ZMYM2: variants seen among roughly 807,000 people sequenced by gnomAD.
ZMYM2 encodes the protein zinc finger MYM-type protein 2.
In ZMYM2, 56 loss-of-function variants were observed where a neutral mutation model predicts 162.8. That is an observed-to-expected ratio of 0.34 (90% CI 0.28 to 0.43). The LOEUF (loss-of-function observed/expected upper bound fraction) is 0.43, where lower values mean the gene tolerates loss of function less well. Ranked by LOEUF, ZMYM2 falls within the 20% of genes least tolerant of loss-of-function variation. The pLI is 1.00. For missense variants in ZMYM2, 1,275 were observed against 1,621.8 expected (o/e 0.79, Z 3.67); for synonymous variants, 510 against 541.6 (o/e 0.94, Z 0.81).
chr13:19,967,862 C>T (rs752229066), intron 2 of ZMYM2, among the ~76,000 whole-genome samples: 9 of 152,148 alleles, frequency 5.9e-5, no homozygotes, highest in Non-Finnish European at 1.3e-4. Context: ...TTGCTGCCAC[C>T]ACCTGGTATG....
chr13:20,069,586 C>T (rs912914534), intron 21 of ZMYM2, among the ~76,000 whole-genome samples: 2 of 149,494 alleles, frequency 1.3e-5, no homozygotes, highest in East Asian at 2.1e-4. Flanking sequence ...TATTAAGATA[C>T]GGATTTTTCT....
At position 20,088,383 on chromosome 13, in the gene ZMYM2, T is replaced by C. The variant is rs1200437020; in HGVS notation, c.*2369T>C. 2.5e-5 allele frequency: 5 copies of C among 202,950 alleles called. No individual in the cohort carries two copies. Among genetic ancestry groups the C allele is most frequent in the Non-Finnish European group, 5.1e-5 (5 of 98,758 alleles). The allele number at this position is 202,950 out of a possible 1,614,324, so 12.6% of individuals were successfully genotyped here. ...CCTTTTGCTTCTAGGTGATCTCTGATTATAGATAGCATCCTGTAAATATAA... is the reference window on the plus strand; with the variant it reads ...CCTTTTGCTTCTAGGTGATCTCTGACTATAGATAGCATCCTGTAAATATAA... On this transcript the variant is annotated 3_prime_UTR_variant, in exon 25 of 25. Transcript: ENST00000610343.
At chr13:19,884,658 G>A in the ZMYM2 span, among the ~76,000 whole-genome samples, 22 of 152,240 alleles carry the variant, frequency 1.4e-4, no homozygotes, top group African/African-American at 4.8e-4. Flanking sequence ...CTTCCGGTGT[G>A]CCATAGTTCT....
chr13:20,077,967 G>A (rs1312226731), intron 21 of ZMYM2, among the ~76,000 whole-genome samples: 1 of 151,218 alleles, frequency 6.6e-6, no homozygotes, highest in African/African-American at 2.4e-5. Flanking sequence ...ACAGGCGCCC[G>A]CCACCACGCC....
At chr13:19,964,235 G>T (rs997931040) in intron 2 of ZMYM2, among the ~76,000 whole-genome samples, 5 of 152,104 alleles carry the variant, frequency 3.3e-5, no homozygotes, top group African/African-American at 1.2e-4. Context: ...GATTAGTCAG[G>T]CATGGTGGTA....
At chr13:20,085,513 TAA>T (rs1462404160) in intron 24 of ZMYM2, among the ~76,000 whole-genome samples, 1 of 152,228 alleles carries the variant, frequency 6.6e-6, no homozygotes, top group Non-Finnish European at 1.5e-5. Context: ...ATGCACAGTT[TAA>T]ATTGTTGCAT....
At chr13:19,945,670 C>T in the ZMYM2 span, among the ~76,000 whole-genome samples, 1 of 152,086 alleles carries the variant, frequency 6.6e-6, no homozygotes, top group African/African-American at 2.4e-5. Flanking sequence ...TGAAGCTTCT[C>T]ATCTTTTGTT....
the ZMYM2 span, among the ~76,000 whole-genome samples, chr13:19,866,497 C>G: frequency 5.9e-5 from 9 of 151,900 alleles, no homozygotes; most frequent in African/African-American, 2.2e-4. Flanking sequence ...GAAACCCCGT[C>G]CCTACTAAAA....
At chr13:20,079,966 A>C (rs1691517313) in intron 21 of ZMYM2, among the ~76,000 whole-genome samples, 1 of 152,208 alleles carries the variant, frequency 6.6e-6, no homozygotes, top group South Asian at 2.1e-4. Context: ...ATTTTACTTT[A>C]GTGATTGTTT....
chr13:19,999,363 A>G (rs771911588), intron 3 of ZMYM2, among the ~76,000 whole-genome samples: 3 of 152,156 alleles, frequency 2.0e-5, no homozygotes, highest in African/African-American at 7.2e-5. Context: ...AATTCTCACA[A>G]TATTTCAGGC....
rs140921243 is a variant in ZMYM2 at position 20,021,568 on chromosome 13, A to G, written c.1584+1950A>G. 3.9e-5 allele frequency among the ~76,000 whole-genome samples: 6 copies of G among 152,248 alleles called. No homozygotes were observed. In the East Asian group the frequency reaches 1.2e-3, roughly 29 times the overall value. On this transcript the variant is annotated intron_variant, in intron 7 of 24. Transcript: ENST00000610343. The stretch of plus-strand genomic sequence containing the variant: ...TTTAAGTTTTTGAAAAGACTTTGGT[A>G]GAGCAAACTTTAGCCTGGGGCTATT...
At chr13:20,044,199 G>T (rs888245616) in intron 12 of ZMYM2, among the ~76,000 whole-genome samples, 1 of 152,146 alleles carries the variant, frequency 6.6e-6, no homozygotes, top group African/African-American at 2.4e-5. Context: ...AACCCTGTGG[G>T]CTCCAGATCA....
rs1200726676 is a variant in ZMYM2, at chr13:20,061,142, A to G, written c.2829A>G (p.Ser943=). 4.3e-6 allele frequency: 7 copies of G among 1,613,474 alleles called. No individual in the cohort carries two copies. The Admixed American group carries it at 1.0e-4, about 23-fold the overall frequency. Residue 943 remains serine, a synonymous_variant, in exon 17 of 25, where the codon TCA becomes TCG. Coordinates refer to ENST00000610343, the MANE Select transcript of ZMYM2 (RefSeq NM_197968.4). ...AIEELKSKVS[S]DALDTELLTM... ...AGGAGCTAAAAAGCAAGGTTTCTTC[A>G]GATGCTCTTGATACAGAGTTGCTTA...
intron 21 of ZMYM2, among the ~76,000 whole-genome samples, chr13:20,069,587 G>A (rs1227039751): frequency 6.6e-6 from 1 of 151,004 alleles, no homozygotes; most frequent in African/African-American, 2.4e-5. Flanking sequence ...ATTAAGATAC[G>A]GATTTTTCTT....
At chr13:20,001,394 G>GAAAAAAAAAAAA (rs61504250) in intron 3 of ZMYM2, among the ~76,000 whole-genome samples, 1 of 108,974 alleles carries the variant, frequency 9.2e-6, no homozygotes, top group South Asian at 2.8e-4. Flanking sequence ...TGTCTCAAAA[G>GAAAAAAAAAAAA]AAAAAAAAAA....
chr13:20,033,605 A>G (rs925834871), intron 10 of ZMYM2, among the ~76,000 whole-genome samples: 1 of 152,222 alleles, frequency 6.6e-6, no homozygotes, highest in African/African-American at 2.4e-5. Context: ...TAGCCTGCTC[A>G]ATAATGAGAG....
intron 2 of ZMYM2, among the ~76,000 whole-genome samples, chr13:19,971,262 A>ATATATAT (rs1329532735): frequency 1.3e-5 from 1 of 78,330 alleles, no homozygotes. Flanking sequence ...ATATATATAT[A>ATATATAT]TTTTTTTTTT....
upstream of ZMYM2, among the ~76,000 whole-genome samples, chr13:19,953,827 C>A (rs1053360916): frequency 1.3e-5 from 2 of 151,688 alleles, no homozygotes; most frequent in African/African-American, 4.8e-5. Flanking sequence ...ATTTTTCAAA[C>A]CACAGTTTGT....
At chr13:19,987,572 CGTGTGT>C (rs36128018) in intron 2 of ZMYM2, among the ~76,000 whole-genome samples, 34 of 133,328 alleles carry the variant, frequency 2.6e-4, no homozygotes, top group Admixed American at 1.5e-3. Context: ...CGCCCCGCTA[CGTGTGT>C]GTGTGTGTGT....
Sources: gnomAD v4.1 joint callset for allele counts (sites outside exome capture counted in the v4.1 genomes callset) on GRCh38, gnomAD v4.1.1 for gene constraint, MANE v1.5 for transcripts, NCBI Gene and HGNC (gene_info 2026-07-23, HGNC 2026-07-21) for gene names.